PTPRF: variants seen among roughly 807,000 people sequenced by gnomAD.
PTPRF encodes protein tyrosine phosphatase receptor type F.
Under a neutral mutation model 201.8 loss-of-function variants are expected in PTPRF, and 59 were observed. That is an observed-to-expected ratio of 0.29 (90% CI 0.24 to 0.36). The LOEUF (loss-of-function observed/expected upper bound fraction) is 0.36, where lower values mean the gene tolerates loss of function less well. Among genes scored for constraint, PTPRF ranks in the 10% least tolerant of loss-of-function variants. The probability of loss-of-function intolerance (pLI) is 1.00; values close to 1 mark genes in which losing one functional copy is unlikely to be tolerated. For missense variants in PTPRF, 2,132 were observed against 2,690.5 expected, an observed-to-expected ratio of 0.79 and a Z score of 4.59; for synonymous variants, 1,088 against 1,089.7, an observed-to-expected ratio of 1.00 and a Z score of 0.03.
At chr1:43,540,414 A>G (rs1644287898) in intron 2 of PTPRF, among the ~76,000 whole-genome samples, 2 of 151,992 alleles carry the variant, frequency 1.3e-5, no homozygotes, top group African/African-American at 4.8e-5. Context: ...GGAGAAGGAC[A>G]TTTTTTTCCA....
At chr1:43,614,815 G>A (rs1327900656) in intron 23 of PTPRF, among the ~76,000 whole-genome samples, 3 of 152,150 alleles carry the variant, frequency 2.0e-5, no homozygotes, top group Non-Finnish European at 4.4e-5. Context: ...TCATGCCATT[G>A]CGCTCCAGCC....
At chr1:43,585,015 G>A (rs916857232) in intron 7 of PTPRF, among the ~76,000 whole-genome samples, 2 of 152,222 alleles carry the variant, frequency 1.3e-5, no homozygotes. Flanking sequence ...AAATGGCAGG[G>A]CCCTGTTTTG....
At position 43,546,790 on chromosome 1, in the gene PTPRF, C is replaced by T. The variant is rs900529276; in HGVS notation, c.91+1624C>T. On this transcript the variant is annotated intron_variant, in intron 3 of 33. Transcript: ENST00000359947. This position sits in a 1 kb window ranked among gnomAD's most constrained non-coding sequence, Gnocchi z 4.2. ...CCCGTGAAAGGCATTACCACCCACC[C>T]GGTCACCCAAGTCAGAACCTGGGCC... Among the ~76,000 whole-genome samples the T allele has an allele frequency of 1.3e-5, 2 of 152,180 alleles. No homozygotes were observed. Among genetic ancestry groups the T allele is most frequent in the East Asian group, 1.9e-4 (1 of 5,198 alleles).
intron 21 of PTPRF, among the ~76,000 whole-genome samples, chr1:43,607,364 C>T (rs182607591): frequency 6.6e-6 from 1 of 152,344 alleles, no homozygotes; most frequent in East Asian, 1.9e-4. Flanking sequence ...ATTCCCCAGC[C>T]CTACTCTCCT....
At chr1:43,602,242 A>G in intron 14 of PTPRF, 145 bp downstream of exon 14, 2 of 969,746 alleles carry the variant, frequency 2.1e-6, no homozygotes, top group Admixed American at 3.9e-5. Context: ...GCGTTTAGAC[A>G]CAAGCACTGA....
intron 22 of PTPRF, among the ~76,000 whole-genome samples, chr1:43,612,237 C>T (rs1656616846): frequency 6.6e-6 from 1 of 152,040 alleles, no homozygotes; most frequent in African/African-American, 2.4e-5. Context: ...GGGTGGTGGC[C>T]ACGTCCTGTG....
chr1:43,553,225 C>T lies in PTPRF; in HGVS notation c.92-267C>T, dbSNP rs1645142340. The stretch of plus-strand genomic sequence containing the variant: ...GTTCAGATCTTAGCTCTACCACTTA[C>T]CAGCTGTGTCATATGGGACAAATCC... On this transcript the variant is annotated intron_variant, in intron 3 of 33. Transcript: ENST00000359947. This position sits in a 1 kb window ranked among gnomAD's most constrained non-coding sequence, Gnocchi z 4.1. Among the ~76,000 whole-genome samples the T allele has an allele frequency of 6.6e-6, 1 of 152,170 alleles. No individual in the cohort carries two copies. The highest frequency in any genetic ancestry group is 2.4e-5 in the African/African-American group (1 of 41,430).
rs564735285 is a variant in PTPRF, at chr1:43,588,663, G to T, written c.680-68G>T. 1 of 1,575,676 alleles carries T rather than the reference G, an allele frequency of 6.3e-7. No homozygotes were observed. ...ACCAGAGGGGCTTCCTGAATGAGGG[G>T]CCCCTGCCCTTCCATGCAGTCGTGT... On this transcript the variant is annotated intron_variant, in intron 7 of 33. Coordinates refer to ENST00000359947, the MANE Select transcript of PTPRF (RefSeq NM_002840.5). This position sits in a 1 kb window ranked among gnomAD's most constrained non-coding sequence, Gnocchi z 5.3.
chr1:43,545,579 C>T (rs1055854684), intron 3 of PTPRF, among the ~76,000 whole-genome samples: 4 of 152,086 alleles, frequency 2.6e-5, no homozygotes, highest in African/African-American at 4.8e-5. Flanking sequence ...GTGCCCAGGA[C>T]GCGGGTGTGT....
chr1:43,588,619 G>T lies in PTPRF; in HGVS notation c.680-112G>T. ...TGGCGGTGCCACCCCTCCTGTCTCT[G>T]AGCATGGGTTTGGCTCTGACCAGAG... On this transcript the variant is annotated intron_variant, in intron 7 of 33. Coordinates refer to ENST00000359947, the MANE Select transcript of PTPRF (RefSeq NM_002840.5). This position sits in a 1 kb window ranked among gnomAD's most constrained non-coding sequence, Gnocchi z 5.3. 7.1e-7 allele frequency: 1 copy of T among 1,400,372 alleles called. No homozygotes were observed. The highest frequency in any genetic ancestry group is 9.6e-7 in the Non-Finnish European group (1 of 1,042,508). 86.7% of individuals were successfully genotyped at this position (1,400,372 alleles called of 1,614,324 possible).
rs187519238 is a variant in PTPRF at position 43,592,561 on chromosome 1, C to T, written c.1773C>T (p.Gly591=). The change falls in exon 11 of 34, where the codon GGC becomes GGT. Residue 591 remains glycine, a synonymous_variant. Transcript: ENST00000359947. ...CTGCACGCTCGGATATGGGGGTGGG[C>T]GTCTTCACCCCCACCATTGAGGCCC... ...QLAARSDMGV[G]VFTPTIEART... 2.8e-4 allele frequency: 457 copies of T among 1,608,300 alleles called. 7 individuals are homozygous for T. Among genetic ancestry groups the T allele is most frequent in the South Asian group, 1.4e-3 (127 of 90,374 alleles).
rs969720250 is a variant in PTPRF, at chr1:43,588,544, A to G, written c.680-187A>G. 2.6e-5 allele frequency among the ~76,000 whole-genome samples: 4 copies of G among 152,142 alleles called. No individual in the cohort carries two copies. The highest frequency in any genetic ancestry group is 2.1e-4 in the South Asian group (1 of 4,824). The stretch of plus-strand genomic sequence containing the variant: ...CAGACAGTCCCTGAGTGTGGGGGCC[A>G]CTTCTAGGCTGGAAGTGGGTGGGGT... On this transcript the variant is annotated intron_variant, in intron 7 of 33. Coordinates refer to ENST00000359947, the MANE Select transcript of PTPRF (RefSeq NM_002840.5). The surrounding 1 kb of genome is among the most constrained non-coding windows in gnomAD (Gnocchi z 5.3).
At chr1:43,555,184 C>T (rs962505229) in intron 5 of PTPRF, among the ~76,000 whole-genome samples, 4 of 151,932 alleles carry the variant, frequency 2.6e-5, no homozygotes, top group Non-Finnish European at 5.9e-5. Context: ...AATGTGATGT[C>T]GATACCTGTT....
In PTPRF at chr1:43,617,773, C is replaced by T. The variant is rs746820683; in HGVS notation, c.4233C>T (p.Ile1411=). The change falls in exon 25 of 34, where the codon ATC becomes ATT. Residue 1411 remains isoleucine (I), a synonymous_variant. Coordinates refer to ENST00000359947, the MANE Select transcript of PTPRF (RefSeq NM_002840.5). ...GTGACTACATCAATGCCAACTACAT[C>T]GATGGCTACCGCAAGCAGAATGCCT... The part of the protein sequence containing the change: ...PGSDYINANY[I]DGYRKQNAYI... 2.2e-5 allele frequency: 36 copies of T among 1,614,004 alleles called. No individual in the cohort carries two copies. Among genetic ancestry groups the T allele is most frequent in the African/African-American group, 6.7e-5 (5 of 74,920 alleles).
chr1:43,570,609 G>A (rs1173340082), intron 6 of PTPRF, among the ~76,000 whole-genome samples: 1 of 152,224 alleles, frequency 6.6e-6, no homozygotes, highest in East Asian at 1.9e-4. Flanking sequence ...CATGACTCTT[G>A]CCCCTTTCAG....
upstream of PTPRF, among the ~76,000 whole-genome samples, chr1:43,522,576 T>C (rs1642987956): frequency 6.6e-6 from 1 of 152,196 alleles, no homozygotes; most frequent in African/African-American, 2.4e-5. Context: ...TATAAAGGAA[T>C]GCTCTGGCAG....
intron 22 of PTPRF, 182 bp from the exon 23 acceptor site, chr1:43,613,436 C>T: frequency 1.6e-6 from 1 of 619,366 alleles, no homozygotes; most frequent in Non-Finnish European, 3.0e-6. Context: ...CAACACCGCC[C>T]TCTGTCCTCT....
chr1:43,544,438 T>A (rs1440928916), intron 2 of PTPRF, among the ~76,000 whole-genome samples: 1 of 152,208 alleles, frequency 6.6e-6, no homozygotes, highest in Non-Finnish European at 1.5e-5. Flanking sequence ...CTCTGATACC[T>A]GGAGCCTGTC....
rs146393331 is a variant in PTPRF, at chr1:43,540,117, G to C, written c.-46+1840G>C. On this transcript the variant is annotated intron_variant, in intron 2 of 33. Coordinates refer to ENST00000359947, the MANE Select transcript of PTPRF (RefSeq NM_002840.5). ...GGATCAGATAACCCTTATTGTGGGG[G>C]CAGGGCTTGTTATTGTAGGGTGTCT... Among the ~76,000 whole-genome samples, 113 of 152,266 alleles carry C rather than the reference G, an allele frequency of 7.4e-4. 1 individual carries two copies. The East Asian group carries it at 0.021, about 29-fold the overall frequency.
Sources: allele counts gnomAD v4.1 joint callset (sites outside exome capture counted in the v4.1 genomes callset), GRCh38; gene constraint gnomAD v4.1.1; non-coding constraint Gnocchi (gnomAD v3.1); transcripts MANE v1.5; gene names NCBI Gene and HGNC (gene_info 2026-07-23, HGNC 2026-07-21).